Variants in PTPRG observed in about 807,000 individuals in gnomAD.
PTPRG encodes the protein protein tyrosine phosphatase receptor type G, also known as receptor-type tyrosine-protein phosphatase gamma.
Under a neutral mutation model 165.3 loss-of-function variants are expected in PTPRG, and 102 were observed. The observed-to-expected ratio is 0.62, with a 90% CI of 0.53 to 0.73. PTPRG has a LOEUF of 0.73. PTPRG is among the 30% of genes least tolerant of loss of function. The pLI, the probability that PTPRG is intolerant of heterozygous loss-of-function variation, is 0.00. For missense variants in PTPRG, 1,866 were observed against 1,861.4 expected (o/e 1.00, Z -0.05); for synonymous variants, 675 against 669.5 (o/e 1.01, Z -0.13).
At chr3:62,187,107 A>C (rs1699677239) in intron 8 of PTPRG, among the ~76,000 whole-genome samples, 1 of 152,274 alleles carries the variant, frequency 6.6e-6, no homozygotes, top group African/African-American at 2.4e-5. Flanking sequence ...GTAATGAACC[A>C]GACAAGACAG....
intron 6 of PTPRG, among the ~76,000 whole-genome samples, chr3:62,155,101 G>T: frequency 6.6e-6 from 1 of 152,288 alleles, no homozygotes; most frequent in Middle Eastern, 3.4e-3. Context: ...GGGCAATTCC[G>T]TTATTTCTAG....
chr3:61,743,824 G>A (rs1229346858), intron 1 of PTPRG, among the ~76,000 whole-genome samples: 1 of 152,214 alleles, frequency 6.6e-6, no homozygotes, highest in Non-Finnish European at 1.5e-5. Context: ...TCTGAAGAGT[G>A]AAACTACATA....
rs71629138 is a variant in PTPRG at position 61,676,456 on chromosome 3, CAA to C, written c.86-72405_86-72404del. 5.5e-4 allele frequency among the ~76,000 whole-genome samples: 12 copies of C among 21,878 alleles called. 1 individual carries two copies. The highest frequency in any genetic ancestry group is 1.2e-3 in the African/African-American group (8 of 6,892). 14.4% of individuals were successfully genotyped at this position (21,878 alleles called of 152,430 possible). A position where few individuals can be genotyped will look rare whatever the true frequency, so the allele number is the denominator to read the frequency against. On this transcript the variant is annotated intron_variant, in intron 1 of 29. Coordinates refer to ENST00000474889, the MANE Select transcript of PTPRG (RefSeq NM_002841.4). ...TGGGCGACAGAGCCAGACTCCATCT[CAA>C]AAAAAAAAAAAAAAAAGAAAATTAC...
At chr3:62,067,335 T>C (rs1701051107) in intron 4 of PTPRG, among the ~76,000 whole-genome samples, 1 of 151,772 alleles carries the variant, frequency 6.6e-6, no homozygotes, top group East Asian at 1.9e-4. Flanking sequence ...CACTATTCTT[T>C]GCATTTTGGG....
chr3:61,927,283 G>A (rs1034758249), intron 2 of PTPRG, among the ~76,000 whole-genome samples: 1 of 152,204 alleles, frequency 6.6e-6, no homozygotes, highest in Non-Finnish European at 1.5e-5. Context: ...TGGAAATGTG[G>A]TTGGTTTCAT....
intron 2 of PTPRG, among the ~76,000 whole-genome samples, chr3:61,976,335 C>A (rs925610680): frequency 6.6e-6 from 1 of 152,116 alleles, no homozygotes; most frequent in African/African-American, 2.4e-5. Context: ...GTGAATGTTG[C>A]CAGGAGGCAT....
chr3:62,040,754 T>G (rs1215624522), intron 4 of PTPRG, among the ~76,000 whole-genome samples: 1 of 152,202 alleles, frequency 6.6e-6, no homozygotes, highest in Non-Finnish European at 1.5e-5. Flanking sequence ...GTCCAGCTTT[T>G]AAGTGGAAAA....
intron 2 of PTPRG, among the ~76,000 whole-genome samples, chr3:61,784,035 C>A (rs2034620914): frequency 6.6e-6 from 1 of 152,076 alleles, no homozygotes; most frequent in African/African-American, 2.4e-5. Flanking sequence ...AGAGCAATAT[C>A]CCCTGAGAAA....
intron 2 of PTPRG, among the ~76,000 whole-genome samples, chr3:61,776,602 A>G (rs2034389862): frequency 6.6e-6 from 1 of 152,138 alleles, no homozygotes; most frequent in Admixed American, 6.6e-5. Context: ...TTAGGGCGGC[A>G]CCTAGTTTAC....
chr3:62,036,345 G>A (rs1388839947), intron 4 of PTPRG, among the ~76,000 whole-genome samples: 1 of 152,162 alleles, frequency 6.6e-6, no homozygotes, highest in African/African-American at 2.4e-5. Context: ...GAAGTCCTGG[G>A]TTATTGCAAA....
chr3:61,922,459 T>G (rs1464304646), intron 2 of PTPRG, among the ~76,000 whole-genome samples: 1 of 152,146 alleles, frequency 6.6e-6, no homozygotes, highest in Admixed American at 6.5e-5. Context: ...TGCATACACT[T>G]GTGTAGGAAT....
rs76273555 is a variant in PTPRG at position 61,914,012 on chromosome 3, C to T, written c.191-75613C>T. On this transcript the variant is annotated intron_variant, in intron 2 of 29. Coordinates refer to ENST00000474889, the MANE Select transcript of PTPRG (RefSeq NM_002841.4). Reference sequence around the variant, plus strand: ...TTATAACAAAAGGAAAACCTCCCCCCTTTTCCAGCCTAATTGAGTATACTT... The same window carrying T: ...TTATAACAAAAGGAAAACCTCCCCCTTTTTCCAGCCTAATTGAGTATACTT... Among the ~76,000 whole-genome samples, 5 of 152,278 alleles carry T rather than the reference C, an allele frequency of 3.3e-5. No individual in the cohort carries two copies. In the South Asian group the frequency reaches 8.3e-4, roughly 25 times the overall value.
intron 2 of PTPRG, among the ~76,000 whole-genome samples, chr3:61,762,515 G>A (rs1267091168): frequency 6.6e-6 from 1 of 152,178 alleles, no homozygotes; most frequent in East Asian, 1.9e-4. Context: ...GGAGGCTGAG[G>A]CAGGAGAGAC....
At position 62,293,672 on chromosome 3, in the gene PTPRG, T is replaced by TATTA. The variant is rs1702976419; in HGVS notation, c.*366_*369dup. 2 of 160,984 alleles carry TATTA rather than the reference T, an allele frequency of 1.2e-5. No homozygotes were observed. Among genetic ancestry groups the TATTA allele is most frequent in the Non-Finnish European group, 2.7e-5 (2 of 73,682 alleles). 10.0% of individuals were successfully genotyped at this position (160,984 alleles called of 1,614,324 possible). A position where few individuals can be genotyped will look rare whatever the true frequency, so the allele number is the denominator to read the frequency against. On this transcript the variant is annotated 3_prime_UTR_variant, in exon 30 of 30. Coordinates refer to ENST00000474889, the MANE Select transcript of PTPRG (RefSeq NM_002841.4). ...TGACAGTGAATATTGCTTTTATTAT[T>TATTA]ATTATTGCTGAAGTGGTTGCATTCT...
At chr3:61,661,111 T>G (rs1702650574) in intron 1 of PTPRG, among the ~76,000 whole-genome samples, 2 of 152,068 alleles carry the variant, frequency 1.3e-5, no homozygotes, top group South Asian at 4.2e-4. Context: ...TCTTGCTCAG[T>G]TGTCCAGGCT....
intron 5 of PTPRG, among the ~76,000 whole-genome samples, chr3:62,094,853 A>T (rs753591093): frequency 6.6e-6 from 1 of 152,226 alleles, no homozygotes; most frequent in African/African-American, 2.4e-5. Flanking sequence ...AGTTCTGCTC[A>T]TGCCTGGCTG....
At chr3:61,813,821 T>A (rs1282282288) in intron 2 of PTPRG, among the ~76,000 whole-genome samples, 1 of 151,936 alleles carries the variant, frequency 6.6e-6, no homozygotes, top group Non-Finnish European at 1.5e-5. Flanking sequence ...TCCAAACATT[T>A]GTGTAGTGCT....
At chr3:62,208,346 A>G (rs929770012) in intron 12 of PTPRG, among the ~76,000 whole-genome samples, 7 of 152,224 alleles carry the variant, frequency 4.6e-5, no homozygotes, top group Non-Finnish European at 8.8e-5. Context: ...GCAGTACAGC[A>G]TACCCTACAA....
chr3:62,201,626 G>A (rs780309968), intron 11 of PTPRG, 72 bp downstream of exon 11: 46 of 1,457,178 alleles, frequency 3.2e-5, no homozygotes, highest in Non-Finnish European at 4.3e-5. Context: ...CTGTCACCAC[G>A]AAGTGGCAGT....
Sources: gnomAD v4.1 joint callset for allele counts (sites outside exome capture counted in the v4.1 genomes callset) on GRCh38, gnomAD v4.1.1 for gene constraint, MANE v1.5 for transcripts, NCBI Gene and HGNC (gene_info 2026-07-23, HGNC 2026-07-21) for gene names.